Variants in WIPI2 observed in about 807,000 individuals in gnomAD.
The protein encoded by WIPI2 is WD repeat domain phosphoinositide-interacting protein 2.
WIPI2 carries 28 observed loss-of-function variants against 52.3 expected under a neutral mutation model. The ratio of observed to expected loss-of-function variants is 0.54; its 90% CI spans 0.40 to 0.73. The LOEUF (loss-of-function observed/expected upper bound fraction) is 0.73, where lower values mean the gene tolerates loss of function less well. Ranked by LOEUF, WIPI2 falls within the 30% of genes least tolerant of loss-of-function variation. The pLI, the probability that WIPI2 is intolerant of heterozygous loss-of-function variation, is 0.00. For missense variants in WIPI2, 506 were observed against 602.9 expected, an observed-to-expected ratio of 0.84 and a Z score of 1.68; for synonymous variants, 268 against 245.0, an observed-to-expected ratio of 1.09 and a Z score of -0.88.
At position 5,193,396 on chromosome 7, in the gene WIPI2, A is replaced by C. The variant is rs1449708436; in HGVS notation, c.128+225A>C. On this transcript the variant is annotated intron_variant, in intron 2 of 12. Coordinates refer to ENST00000288828, the MANE Select transcript of WIPI2 (RefSeq NM_015610.4). The stretch of plus-strand genomic sequence containing the variant: ...TAAATGCCATGTCTAAAAGGGATGG[A>C]ATGAAGAAAGGGACTTGACTTTCCA... 1.3e-5 allele frequency: 17 copies of C among 1,277,540 alleles called. No individual in the cohort carries two copies. In the Admixed American group the frequency reaches 1.3e-4, roughly 10 times the overall value. 79.1% of individuals were successfully genotyped at this position (1,277,540 alleles called of 1,614,324 possible). A position where few individuals can be genotyped will look rare whatever the true frequency, so the allele number is the denominator to read the frequency against.
At chr7:5,222,984 C>T (rs1431655889) in intron 8 of WIPI2, among the ~76,000 whole-genome samples, 1 of 152,224 alleles carries the variant, frequency 6.6e-6, no homozygotes, top group Admixed American at 6.5e-5. Flanking sequence ...GCGGCGACGT[C>T]ATGGGTAGCA....
chr7:5,229,579 G>T (rs758643465), intron 11 of WIPI2, 29 bp from the exon 12 acceptor site: 2 of 1,605,334 alleles, frequency 1.2e-6, no homozygotes, highest in East Asian at 4.5e-5. Flanking sequence ...GTGTGGAGAC[G>T]CTGAGCTGTG....
intron 4 of WIPI2, 96 bp downstream of exon 4, chr7:5,214,800 T>G: frequency 7.1e-7 from 1 of 1,415,548 alleles, no homozygotes. Flanking sequence ...CGTCATTCCC[T>G]TGCTGCCTGG....
intron 2 of WIPI2, among the ~76,000 whole-genome samples, chr7:5,197,594 T>C (rs983220649): frequency 4.6e-5 from 7 of 152,190 alleles, no homozygotes; most frequent in African/African-American, 7.2e-5. Context: ...CTTTTTATCC[T>C]TCTAAGATAA....
intron 3 of WIPI2, 190 bp from the exon 4 acceptor site, chr7:5,214,345 T>C: frequency 6.3e-7 from 1 of 1,583,320 alleles, no homozygotes; most frequent in Non-Finnish European, 8.6e-7. Flanking sequence ...GAAATGCTCC[T>C]GAGGCTCCAG....
Position 5,232,039 on chromosome 7 carries a change from T to C in WIPI2, c.*1092T>C, listed in dbSNP as rs867901584. ...GTATTTGCCTCGCTTCCCTTCCCTT[T>C]TCATATTTACAGAATTAAAACAACC... On this transcript the variant is annotated 3_prime_UTR_variant, in exon 13 of 13. Coordinates refer to ENST00000288828, the MANE Select transcript of WIPI2 (RefSeq NM_015610.4). The C allele has an allele frequency of 2.3e-4, 88 of 390,746 alleles. No homozygotes were observed. The highest frequency in any genetic ancestry group is 8.9e-4 in the South Asian group (6 of 6,746). 24.2% of individuals were successfully genotyped at this position (390,746 alleles called of 1,614,324 possible).
At position 5,232,316 on chromosome 7, in the gene WIPI2, T is replaced by C; in HGVS notation, c.*1369T>C. The C allele has an allele frequency of 2.5e-6, 1 of 398,618 alleles. No homozygotes were observed. Among genetic ancestry groups the C allele is most frequent in the Non-Finnish European group, 4.4e-6 (1 of 226,060 alleles). 24.7% of individuals were successfully genotyped at this position (398,618 alleles called of 1,614,324 possible). A position where few individuals can be genotyped will look rare whatever the true frequency, so the allele number is the denominator to read the frequency against. On this transcript the variant is annotated 3_prime_UTR_variant, in exon 13 of 13. Transcript: ENST00000288828. ...GCTGGGCGAAGAGCTGGAGGGGAGT[T>C]GTCCCCTCAGCTGAGCGGCTGCGGT...
intron 3 of WIPI2, among the ~76,000 whole-genome samples, chr7:5,204,192 C>G (rs558355625): frequency 6.6e-6 from 1 of 152,116 alleles, no homozygotes; most frequent in Non-Finnish European, 1.5e-5. Flanking sequence ...CTGGGCCGGG[C>G]GCGGTGGCTC....
intron 11 of WIPI2, among the ~76,000 whole-genome samples, 170 bp downstream of exon 11, chr7:5,228,381 C>T (rs541267990): frequency 5.2e-4 from 79 of 152,384 alleles, no homozygotes; most frequent in African/African-American, 1.9e-3. Flanking sequence ...CAGGTGAAAT[C>T]AATGCCGCCG....
chr7:5,217,401 C>T, intron 6 of WIPI2: 1 of 552,874 alleles, frequency 1.8e-6, no homozygotes, highest in Non-Finnish European at 3.3e-6. Context: ...ACCTCCTGGG[C>T]TCAATTGATC....
chr7:5,216,739 C>T, intron 5 of WIPI2, 80 bp downstream of exon 5: 3 of 1,393,806 alleles, frequency 2.2e-6, no homozygotes, highest in South Asian at 1.2e-5. Flanking sequence ...GAGATTTTTT[C>T]TTTTTATAGG....
chr7:5,207,104 A>G (rs548975596), intron 3 of WIPI2, among the ~76,000 whole-genome samples: 1 of 152,294 alleles, frequency 6.6e-6, no homozygotes, highest in South Asian at 2.1e-4. Context: ...ATTTCCAGGT[A>G]GACGGCAGGC....
At chr7:5,203,719 G>T (rs765480794) in intron 3 of WIPI2, among the ~76,000 whole-genome samples, 2 of 136,070 alleles carry the variant, frequency 1.5e-5, no homozygotes, top group African/African-American at 2.8e-5. Context: ...TGCAAGCTCC[G>T]CCTCCCGGAT....
chr7:5,229,732 A>C lies in WIPI2; in HGVS notation c.1246A>C (p.Arg416=). The C allele has an allele frequency of 6.2e-7, 1 of 1,613,710 alleles. No homozygotes were observed. The highest frequency in any genetic ancestry group is 8.5e-7 in the Non-Finnish European group (1 of 1,179,810). The part of the protein sequence containing the change: ...KGTYVPSSPT[R]LAYTDDLGAV... ...TACTTACGTGCCTTCATCCCCAACG[A>C]GACTTGGTAAGGGGCGTGACGCAAA... The change falls in exon 12 of 13, where the codon AGA becomes CGA. Residue 416 remains arginine (R), a synonymous_variant. Transcript: ENST00000288828.
At chr7:5,213,734 G>A (rs1782674805) in intron 3 of WIPI2, among the ~76,000 whole-genome samples, 1 of 152,188 alleles carries the variant, frequency 6.6e-6, no homozygotes, top group Non-Finnish European at 1.5e-5. Context: ...GGCCCAGGCT[G>A]GAGTGCAGTG....
intron 2 of WIPI2, among the ~76,000 whole-genome samples, chr7:5,193,948 T>G (rs1010012202): frequency 2.6e-5 from 4 of 152,152 alleles, no homozygotes; most frequent in African/African-American, 9.7e-5. Flanking sequence ...AGGATATGTT[T>G]GAGGAGGGCA....
chr7:5,218,543 C>T (rs1032229311), intron 7 of WIPI2: 1 of 153,434 alleles, frequency 6.5e-6, no homozygotes, highest in Non-Finnish European at 1.5e-5. Context: ...TGATTCATGT[C>T]AACATCACCC....
In WIPI2 at chr7:5,227,937, G is replaced by C. The variant is rs1562409291; in HGVS notation, c.1014-167G>C. Among the ~76,000 whole-genome samples, 1 of 152,240 alleles carries C rather than the reference G, an allele frequency of 6.6e-6. No individual in the cohort carries two copies. Among genetic ancestry groups the C allele is most frequent in the African/African-American group, 2.4e-5 (1 of 41,470 alleles). The stretch of plus-strand genomic sequence containing the variant: ...CTTCAGGGCTCAGCACACGAGTGCA[G>C]CCTTGGCCGTGTGAGCCGAGGTCAG... On this transcript the variant is annotated intron_variant, in intron 10 of 12. Coordinates refer to ENST00000288828, the MANE Select transcript of WIPI2 (RefSeq NM_015610.4). The surrounding 1 kb of genome is among the most constrained non-coding windows in gnomAD (Gnocchi z 8.1).
chr7:5,233,316 A>G lies in WIPI2; in HGVS notation c.*2369A>G, dbSNP rs1322340353. Reference sequence around the variant, plus strand: ...ACTGGCGGCCTCAGACATGCTCAGGAGTGACGGGGACAGAGGGAGGCCGCT... The same window carrying G: ...ACTGGCGGCCTCAGACATGCTCAGGGGTGACGGGGACAGAGGGAGGCCGCT... On this transcript the variant is annotated 3_prime_UTR_variant, in exon 13 of 13. Coordinates refer to ENST00000288828, the MANE Select transcript of WIPI2 (RefSeq NM_015610.4). 2 of 152,170 alleles carry G rather than the reference A, an allele frequency of 1.3e-5. No homozygotes were observed. The highest frequency in any genetic ancestry group is 3.9e-4 in the East Asian group (2 of 5,194). 9.4% of individuals were successfully genotyped at this position (152,170 alleles called of 1,614,324 possible). A position where few individuals can be genotyped will look rare whatever the true frequency, so the allele number is the denominator to read the frequency against.
Sources: gnomAD v4.1 joint callset for allele counts (sites outside exome capture counted in the v4.1 genomes callset) on GRCh38, gnomAD v4.1.1 for gene constraint, Gnocchi (gnomAD v3.1) non-coding constraint, MANE v1.5 for transcripts, NCBI Gene and HGNC (gene_info 2026-07-23, HGNC 2026-07-21) for gene names.